The following BAIAP3 variants were observed in gnomAD, a reference collection of about 807,000 sequenced individuals.
BAIAP3 encodes BAI1-associated protein 3.
Under a neutral mutation model 149.7 loss-of-function variants are expected in BAIAP3, and 180 were observed. The ratio of observed to expected loss-of-function variants is 1.20; its 90% CI spans 1.07 to 1.36. The LOEUF is 1.36. Ranked by LOEUF, BAIAP3 falls within the 40% of genes most tolerant of loss-of-function variation. The pLI, the probability that BAIAP3 is intolerant of heterozygous loss-of-function variation, is 0.00. For missense variants in BAIAP3, 1,767 were observed against 1,563.4 expected, an observed-to-expected ratio of 1.13 and a Z score of -2.20; for synonymous variants, 845 against 670.7, an observed-to-expected ratio of 1.26 and a Z score of -4.02.
chr16:1,341,899 G>A (rs1405717823), intron 9 of BAIAP3, 33 bp downstream of exon 9: 3 of 1,604,254 alleles, frequency 1.9e-6, no homozygotes, highest in Non-Finnish European at 2.6e-6. Flanking sequence ...GGGCGGCGGG[G>A]ATGCACACCT....
chr16:1,336,282 G>A, intron 1 of BAIAP3: 2 of 985,438 alleles, frequency 2.0e-6, no homozygotes, highest in Non-Finnish European at 2.4e-6. Flanking sequence ...GGCCCCTGAG[G>A]ATTTCACGAC....
chr16:1,348,080 T>C lies in BAIAP3; in HGVS notation c.3150-16T>C, dbSNP rs2034511229. 10 of 1,581,790 alleles carry C rather than the reference T, an allele frequency of 6.3e-6. No homozygotes were observed. Among genetic ancestry groups the C allele is most frequent in the Non-Finnish European group, 8.6e-6 (10 of 1,165,120 alleles). The stretch of plus-strand genomic sequence containing the variant: ...AGGCTGCCGGAGCGAGACTCCCGAC[T>C]GGCCTCTGTCCGCAGTTCCGTGCCT... On this transcript the variant is annotated splice_polypyrimidine_tract_variant and intron_variant, in intron 32 of 33. Transcript: ENST00000426824.
chr16:1,338,350 G>A (rs2033610242), intron 1 of BAIAP3, among the ~76,000 whole-genome samples, 190 bp from the exon 2 acceptor site: 1 of 152,118 alleles, frequency 6.6e-6, no homozygotes, highest in Non-Finnish European at 1.5e-5. Flanking sequence ...GACTTAGCCG[G>A]TCACCCAGCA....
At position 1,341,970 on chromosome 16, in the gene BAIAP3, CCCCTGTCCCCACCAGGGATCATGA is replaced by C; in HGVS notation, c.777-14_786del. On this transcript the variant is annotated splice_acceptor_variant and splice_polypyrimidine_tract_variant and coding_sequence_variant and intron_variant, in exon 10 of 34. Transcript: ENST00000426824. LOFTEE classifies it high-confidence loss of function. ...GCGGGCTCCAGACAAGCCAGGTCCT[CCCCTGTCCCCACCAGGGATCATGA>C]CGACGATGTATCCCTGGTAGAAGCG... The C allele has an allele frequency of 2.5e-6, 4 of 1,588,018 alleles. No homozygotes were observed. Among genetic ancestry groups the C allele is most frequent in the Non-Finnish European group, 3.4e-6 (4 of 1,167,450 alleles).
In BAIAP3 at chr16:1,339,168, C is replaced by A; in HGVS notation, c.224C>A (p.Pro75His). ...GRQGLPCLEV[P>H]LRSGSPAPPE... ...CACCCTGGGCCCCACACACAGGTCC[C>A]CCTGCGCAGTGGCTCGCCAGCACCC... Residue 75 changes from proline (P) to histidine (H), a missense_variant, in exon 4 of 34, where the codon CCC becomes CAC. By Grantham distance (77) the Pro-to-His change is moderately conservative. Coordinates refer to ENST00000426824, the MANE Select transcript of BAIAP3 (RefSeq NM_001199097.2). The A allele has an allele frequency of 1.9e-6, 3 of 1,567,588 alleles. No individual in the cohort carries two copies. Among genetic ancestry groups the A allele is most frequent in the Non-Finnish European group, 2.6e-6 (3 of 1,157,668 alleles).
At position 1,344,581 on chromosome 16, in the gene BAIAP3, C is replaced by G. The variant is rs761431017; in HGVS notation, c.1660-20C>G. ...GGTACGGGCAGCCGAGAGGTGGGTA[C>G]GAGCTAGGCTTCCTTGCAGCCAGGA... On this transcript the variant is annotated intron_variant, in intron 18 of 33. Transcript: ENST00000426824. 1 of 1,612,500 alleles carries G rather than the reference C, an allele frequency of 6.2e-7. No homozygotes were observed. The highest frequency in any genetic ancestry group is 8.5e-7 in the Non-Finnish European group (1 of 1,179,958).
chr16:1,343,961 A>T, intron 15 of BAIAP3, 61 bp from the exon 16 acceptor site: 1 of 1,600,244 alleles, frequency 6.2e-7, no homozygotes, highest in Non-Finnish European at 8.5e-7. Context: ...GGCAGGGAGG[A>T]TGTTTCTCCT....
Position 1,338,584 on chromosome 16 carries a change from T to A in BAIAP3, c.35T>A (p.Leu12His). 1.2e-6 allele frequency: 2 copies of A among 1,609,948 alleles called. No homozygotes were observed. The highest frequency in any genetic ancestry group is 1.7e-6 in the Non-Finnish European group (2 of 1,178,744). ...STLLDIKSSV[L>H]RQVQVCPSFR... is the part of the protein sequence containing the mutation. ...TTGCTGGACATTAAGAGCAGCGTGCTCAGGCAGGTGCAGGTGTGCCCGTCC... is the reference window on the plus strand; with the variant it reads ...TTGCTGGACATTAAGAGCAGCGTGCACAGGCAGGTGCAGGTGTGCCCGTCC... Residue 12 changes from leucine to histidine, a missense_variant, in exon 2 of 34, where the codon CTC (leucine) becomes CAC (histidine). Physicochemically the swap from Leu to His is moderately conservative, Grantham distance 99. Transcript: ENST00000426824.
rs1258983208 is a variant in BAIAP3 at position 1,345,385 on chromosome 16, C to T, written c.2064+13C>T. The T allele has an allele frequency of 1.9e-6, 3 of 1,608,428 alleles. No homozygotes were observed. The highest frequency in any genetic ancestry group is 1.7e-6 in the Non-Finnish European group (2 of 1,177,826). ...GGACATGGACACGGTGACAGCTGCC[C>T]TGGCCTGAGGACACTGGGGCTGGTC... On this transcript the variant is annotated intron_variant, in intron 22 of 33. Coordinates refer to ENST00000426824, the MANE Select transcript of BAIAP3 (RefSeq NM_001199097.2).
At chr16:1,344,188 G>C in intron 16 of BAIAP3, 39 bp from the exon 17 acceptor site, 2 of 1,612,394 alleles carry the variant, frequency 1.2e-6, no homozygotes, top group Non-Finnish European at 1.7e-6. Context: ...GGGGCGGCTG[G>C]CAGGGCAGGC....
In BAIAP3 at chr16:1,349,030, G is replaced by A. The variant is rs546885924; in HGVS notation, c.*548G>A. 5 of 282,204 alleles carry A rather than the reference G, an allele frequency of 1.8e-5. No homozygotes were observed. The highest frequency in any genetic ancestry group is 1.2e-4 in the South Asian group (3 of 26,084). 17.5% of individuals were successfully genotyped at this position (282,204 alleles called of 1,614,324 possible). A position where few individuals can be genotyped will look rare whatever the true frequency, so the allele number is the denominator to read the frequency against. On this transcript the variant is annotated 3_prime_UTR_variant, in exon 34 of 34. Coordinates refer to ENST00000426824, the MANE Select transcript of BAIAP3 (RefSeq NM_001199097.2). ...CCAGTCCCCACGGGGCTCCCAGGCC[G>A]GGGAAAGGTTCCCCTGAGGTCACTC...
In BAIAP3 at chr16:1,349,391, A is replaced by G. The variant is rs770111431; in HGVS notation, c.*909A>G. ...GCCCATTTATGTCCCTCATGTCTCT[A>G]GATTTTCTCGTCACCCAGCCTCAAA... On this transcript the variant is annotated 3_prime_UTR_variant, in exon 34 of 34. Coordinates refer to ENST00000426824, the MANE Select transcript of BAIAP3 (RefSeq NM_001199097.2). 2 of 1,608,764 alleles carry G rather than the reference A, an allele frequency of 1.2e-6. No individual in the cohort carries two copies.
chr16:1,348,573 G>A lies in BAIAP3; in HGVS notation c.*91G>A. ...CTGTGGCCAGCTTTGTGCAACCAGG[G>A]CCCACGGCGCCCCTCCTGTGCTGTG... On this transcript the variant is annotated 3_prime_UTR_variant, in exon 34 of 34. Coordinates refer to ENST00000426824, the MANE Select transcript of BAIAP3 (RefSeq NM_001199097.2). The A allele has an allele frequency of 1.6e-6, 2 of 1,255,490 alleles. No individual in the cohort carries two copies. The highest frequency in any genetic ancestry group is 2.3e-6 in the Non-Finnish European group (2 of 886,998). The allele number at this position is 1,255,490 out of a possible 1,614,324, so 77.8% of individuals were successfully genotyped here. A position where few individuals can be genotyped will look rare whatever the true frequency, so the allele number is the denominator to read the frequency against.
rs368521574 is a variant in BAIAP3, at chr16:1,338,863, C to G, written c.132-39C>G. 1.9e-6 allele frequency: 3 copies of G among 1,609,722 alleles called. No individual in the cohort carries two copies. The Admixed American group carries it at 5.0e-5, about 27-fold the overall frequency. On this transcript the variant is annotated intron_variant, in intron 2 of 33. Coordinates refer to ENST00000426824, the MANE Select transcript of BAIAP3 (RefSeq NM_001199097.2). ...GTCGAGGGTCCCAGGCAGGGGCCAG[C>G]GTGCTGAGAGCTGTGAGCTGACCCG...
At position 1,347,958 on chromosome 16, in the gene BAIAP3, C is replaced by A; in HGVS notation, c.3090C>A (p.Ser1030Arg). 6.2e-7 allele frequency: 1 copy of A among 1,611,888 alleles called. No individual in the cohort carries two copies. The highest frequency in any genetic ancestry group is 8.5e-7 in the Non-Finnish European group (1 of 1,179,938). ...CGCATCTCTTTCCACTGGTCCGCAG[C>A]CAGAGGACCCAGGTGAAGACCCGGA... ...GPPHLFPLVR[S>R]QRTQVKTRTL... is the part of the protein sequence containing the mutation. The change falls in exon 32 of 34, where the codon AGC (serine) becomes AGA (arginine). Residue 1030 changes from serine to arginine, a missense_variant. Physicochemically the swap from Ser to Arg is moderately radical, Grantham distance 110. Coordinates refer to ENST00000426824, the MANE Select transcript of BAIAP3 (RefSeq NM_001199097.2).
Position 1,338,978 on chromosome 16 carries a change from C to T in BAIAP3, c.208C>T (p.Pro70Ser). The T allele has an allele frequency of 6.2e-7, 1 of 1,612,926 alleles. No homozygotes were observed. The highest frequency in any genetic ancestry group is 8.5e-7 in the Non-Finnish European group (1 of 1,179,896). Reference protein sequence around the residue: ...LKKGEGRQGLPCLEVPLRSGS... With the variant: ...LKKGEGRQGLSCLEVPLRSGS... The stretch of plus-strand genomic sequence containing the variant: ...GAAGGGGGAAGGCAGACAGGGCTTG[C>T]CGTGCCTCGAGGTAAGGGTGCCACC... Residue 70 changes from proline (P) to serine (S), a missense_variant, in exon 3 of 34, where the codon CCG becomes TCG. Pro to Ser is a moderately conservative substitution (Grantham distance 74). Transcript: ENST00000426824.
chr16:1,342,435 C>G lies in BAIAP3; in HGVS notation c.958-92C>G, dbSNP rs1361413499. On this transcript the variant is annotated intron_variant, in intron 11 of 33. Transcript: ENST00000426824. ...CCCTCATTCCCCGGAGAAGGGAAGCCCAGGCCATGTGGTCTCTCCAGGGTC... is the reference window on the plus strand; with the variant it reads ...CCCTCATTCCCCGGAGAAGGGAAGCGCAGGCCATGTGGTCTCTCCAGGGTC... The G allele has an allele frequency of 5.0e-6, 7 of 1,395,834 alleles. No homozygotes were observed. The South Asian group carries it at 8.9e-5, about 18-fold the overall frequency. 86.5% of individuals were successfully genotyped at this position (1,395,834 alleles called of 1,614,324 possible).
At chr16:1,336,226 G>T in intron 1 of BAIAP3, 9 of 985,334 alleles carry the variant, frequency 9.1e-6, no homozygotes, top group South Asian at 4.7e-5. Flanking sequence ...AGGGGGAGCA[G>T]CCTCTTCCAC....
In BAIAP3 at chr16:1,345,099, G is replaced by T; in HGVS notation, c.1940G>T (p.Arg647Leu). Residue 647 changes from arginine to leucine, a missense_variant and splice_region_variant, in exon 21 of 34, where the codon CGG (arginine) becomes CTG (leucine). By Grantham distance (102) the Arg-to-Leu change is moderately radical (BLOSUM62 -2). Coordinates refer to ENST00000426824, the MANE Select transcript of BAIAP3 (RefSeq NM_001199097.2). Reference protein sequence around the residue: ...LQRFWDSIPGRDSRSLALAGI... With the variant: ...LQRFWDSIPGLDSRSLALAGI... ...CGCTTCTGGGATAGCATCCCTGGCCGGTGGGTGCCCCGTCCCTATCTCTTG... is the reference window on the plus strand; with the variant it reads ...CGCTTCTGGGATAGCATCCCTGGCCTGTGGGTGCCCCGTCCCTATCTCTTG... The T allele has an allele frequency of 6.2e-7, 1 of 1,612,512 alleles. No individual in the cohort carries two copies. The highest frequency in any genetic ancestry group is 8.5e-7 in the Non-Finnish European group (1 of 1,179,958).
Sources: gnomAD v4.1 joint callset for allele counts (sites outside exome capture counted in the v4.1 genomes callset) on GRCh38, gnomAD v4.1.1 for gene constraint, MANE v1.5 for transcripts, NCBI Gene and HGNC (gene_info 2026-07-23, HGNC 2026-07-21) for gene names.